Variants in PRDM2 observed in about 807,000 individuals in gnomAD.
The protein encoded by PRDM2 is PR/SET domain 2, also known as PR domain zinc finger protein 2.
Under a neutral mutation model 130.0 loss-of-function variants are expected in PRDM2, and 30 were observed. That is an observed-to-expected ratio of 0.23 (90% CI 0.17 to 0.31). The LOEUF is 0.31. Among genes scored for constraint, PRDM2 ranks in the 10% least tolerant of loss-of-function variants. The pLI is 1.00. For missense variants in PRDM2, 2,011 were observed against 2,108.4 expected (o/e 0.95, Z 0.90); for synonymous variants, 871 against 782.4 (o/e 1.11, Z -1.89).
chr1:13,813,891 A>G (rs1016407181), intron 8 of PRDM2, among the ~76,000 whole-genome samples: 2 of 152,214 alleles, frequency 1.3e-5, no homozygotes, highest in Admixed American at 1.3e-4. Flanking sequence ...CTGGCTGGCT[A>G]GAGAGGCCTG....
At chr1:13,774,580 C>G (rs922212444) in intron 7 of PRDM2, among the ~76,000 whole-genome samples, 1 of 152,124 alleles carries the variant, frequency 6.6e-6, no homozygotes, top group Non-Finnish European at 1.5e-5. Flanking sequence ...ACCTCACTAC[C>G]TTTGGCGGTA....
rs771417209 is a variant in PRDM2, at chr1:13,727,122, G to A, written c.10-3878G>A. Among the ~76,000 whole-genome samples the A allele has an allele frequency of 3.3e-5, 5 of 152,078 alleles. No homozygotes were observed. The East Asian group carries it at 5.8e-4, about 18-fold the overall frequency. On this transcript the variant is annotated intron_variant, in intron 2 of 9. Coordinates refer to ENST00000311066, the MANE Select transcript of PRDM2 (RefSeq NM_001393986.1). ...ATGGGTCTTTTTGCCTGGATACTGC[G>A]TTTCCTCTTAATTTGAGATTTGGTC...
chr1:13,745,335 A>G (rs946254293), intron 5 of PRDM2, among the ~76,000 whole-genome samples: 1 of 152,102 alleles, frequency 6.6e-6, no homozygotes, highest in Middle Eastern at 3.2e-3. Context: ...TTGGATAGGA[A>G]GGAGCTGGCC....
At chr1:13,738,470 G>A (rs1482271822) in intron 4 of PRDM2, among the ~76,000 whole-genome samples, 1 of 152,160 alleles carries the variant, frequency 6.6e-6, no homozygotes, top group East Asian at 1.9e-4. Flanking sequence ...TTTGTTGCTG[G>A]GAGATTTTCC....
At chr1:13,737,166 C>A (rs1643298704) in intron 4 of PRDM2, among the ~76,000 whole-genome samples, 1 of 152,192 alleles carries the variant, frequency 6.6e-6, no homozygotes, top group Admixed American at 6.5e-5. Context: ...CTCAGTGCTG[C>A]TTTCTAGCAG....
intron 6 of PRDM2, among the ~76,000 whole-genome samples, chr1:13,761,455 C>G: frequency 6.6e-6 from 1 of 152,074 alleles, no homozygotes; most frequent in Non-Finnish European, 1.5e-5. Context: ...AGAAATGTCC[C>G]GATGATCTGT....
At chr1:13,719,025 CA>C (rs1470917062) in intron 2 of PRDM2, among the ~76,000 whole-genome samples, 3 of 152,120 alleles carry the variant, frequency 2.0e-5, no homozygotes, top group Non-Finnish European at 2.9e-5. Flanking sequence ...AGGGCTCTGC[CA>C]GTAACATACT....
At chr1:13,788,577 A>G (rs1233779889) in intron 8 of PRDM2, among the ~76,000 whole-genome samples, 4 of 152,200 alleles carry the variant, frequency 2.6e-5, no homozygotes, top group Non-Finnish European at 1.5e-5. Flanking sequence ...CCTCAGGGAA[A>G]GGTGGTGAAG....
chr1:13,801,110 C>T (rs1359688534), intron 8 of PRDM2, among the ~76,000 whole-genome samples: 4 of 152,090 alleles, frequency 2.6e-5, no homozygotes, highest in African/African-American at 4.8e-5. Flanking sequence ...GAGAGGAGGC[C>T]GTGGTGGGGA....
intron 2 of PRDM2, among the ~76,000 whole-genome samples, chr1:13,727,053 G>T (rs936735739): frequency 6.6e-6 from 1 of 152,150 alleles, no homozygotes; most frequent in African/African-American, 2.4e-5. Context: ...TGCCCCTCCT[G>T]CCTCAGTTCT....
chr1:13,802,414 C>T (rs1424443285), intron 8 of PRDM2, among the ~76,000 whole-genome samples: 1 of 152,276 alleles, frequency 6.6e-6, no homozygotes, highest in East Asian at 1.9e-4. Flanking sequence ...GGAGCAGCTG[C>T]CTCTCATTGT....
chr1:13,807,393 A>G lies in PRDM2; in HGVS notation c.5037-9034A>G, dbSNP rs962157319. 5.3e-5 allele frequency among the ~76,000 whole-genome samples: 8 copies of G among 152,318 alleles called. No individual in the cohort carries two copies. In the South Asian group the frequency reaches 8.3e-4, roughly 16 times the overall value. On this transcript the variant is annotated intron_variant, in intron 8 of 9. Coordinates refer to ENST00000311066, the MANE Select transcript of PRDM2 (RefSeq NM_001393986.1). ...TGCCTCCGTGACAAACCAGCCTCCAATGCGCCCCCTCATGGAGCCTGCTAG... is the reference window on the plus strand; with the variant it reads ...TGCCTCCGTGACAAACCAGCCTCCAGTGCGCCCCCTCATGGAGCCTGCTAG...
rs114860915 is a variant in PRDM2, at chr1:13,812,552, G to A, written c.5037-3875G>A. 3.1e-3 allele frequency among the ~76,000 whole-genome samples: 470 copies of A among 152,282 alleles called. 3 individuals are homozygous for A. The highest frequency in any genetic ancestry group is 0.011 in the African/African-American group (444 of 41,558). ...AGTGTGGCTGGAGCCTGGTAGGGGC[G>A]GGAGCAAGGTGGGACCCTAGCATGT... is the stretch of plus-strand genomic sequence containing the variant. On this transcript the variant is annotated intron_variant, in intron 8 of 9. Coordinates refer to ENST00000311066, the MANE Select transcript of PRDM2 (RefSeq NM_001393986.1).
rs916522321 is a variant in PRDM2, at chr1:13,771,414, A to G, written c.512-1664A>G. Among the ~76,000 whole-genome samples the G allele has an allele frequency of 6.6e-6, 1 of 152,210 alleles. No individual in the cohort carries two copies. The highest frequency in any genetic ancestry group is 2.4e-5 in the African/African-American group (1 of 41,458). On this transcript the variant is annotated intron_variant, in intron 6 of 9. Coordinates refer to ENST00000311066, the MANE Select transcript of PRDM2 (RefSeq NM_001393986.1). This position sits in a 1 kb window ranked among gnomAD's most constrained non-coding sequence, Gnocchi z 4.1. ...CCCTGATAAACGTAGTGGCAAAAAC[A>G]TCGGATTTCCTATGGGCTGAAGAAT...
At chr1:13,759,985 C>T (rs932048487) in intron 6 of PRDM2, among the ~76,000 whole-genome samples, 2 of 152,082 alleles carry the variant, frequency 1.3e-5, no homozygotes, top group African/African-American at 4.8e-5. Context: ...CCACAGTGTC[C>T]TTCCCTTGTT....
At chr1:13,732,914 G>A in intron 4 of PRDM2, 32 bp downstream of exon 4, 2 of 1,351,882 alleles carry the variant, frequency 1.5e-6, no homozygotes, top group Non-Finnish European at 2.1e-6. Context: ...TTGTTTTTCA[G>A]AGTTTTATGA....
At chr1:13,730,143 C>T (rs1048359517) in intron 2 of PRDM2, among the ~76,000 whole-genome samples, 8 of 152,120 alleles carry the variant, frequency 5.3e-5, no homozygotes, top group African/African-American at 1.9e-4. Context: ...TTAGCAGTGC[C>T]GTGATGTGCA....
chr1:13,767,467 A>G (rs79846809), intron 6 of PRDM2, among the ~76,000 whole-genome samples: 5 of 114,012 alleles, frequency 4.4e-5, no homozygotes, highest in Admixed American at 1.8e-4. Flanking sequence ...AATTTTTTCT[A>G]TTTTTTTTTT....
chr1:13,776,286 C>T (rs925159887), intron 7 of PRDM2, among the ~76,000 whole-genome samples: 4 of 152,240 alleles, frequency 2.6e-5, no homozygotes, highest in African/African-American at 7.2e-5. Context: ...ATTGGGGGAA[C>T]AGCCAGGTAA....
Sources: allele counts gnomAD v4.1 joint callset (sites outside exome capture counted in the v4.1 genomes callset), GRCh38; gene constraint gnomAD v4.1.1; non-coding constraint Gnocchi (gnomAD v3.1); transcripts MANE v1.5; gene names NCBI Gene and HGNC (gene_info 2026-07-23, HGNC 2026-07-21).